BZW2: variants seen among roughly 807,000 people sequenced by gnomAD.
The protein encoded by BZW2 is eIF5-mimic protein 1.
A neutral mutation model predicts 53.2 loss-of-function variants in BZW2; 23 were observed. The ratio of observed to expected loss-of-function variants is 0.43; its 90% confidence interval spans 0.31 to 0.61. The LOEUF is 0.61. BZW2 is among the 20% of genes least tolerant of loss of function. The pLI is 0.09. For missense variants in BZW2, 409 were observed against 503.1 expected (o/e 0.81, Z 1.79); for synonymous variants, 227 against 186.4 (o/e 1.22, Z -1.77).
intron 3 of BZW2, among the ~76,000 whole-genome samples, chr7:16,678,636 C>T (rs756113015): frequency 1.6e-4 from 25 of 152,134 alleles, no homozygotes; most frequent in Non-Finnish European, 3.4e-4. Flanking sequence ...TTTATAATTT[C>T]TATCAAAAGC....
intron 6 of BZW2, among the ~76,000 whole-genome samples, 190 bp from the exon 7 acceptor site, chr7:16,689,607 C>T (rs936912842): frequency 6.6e-6 from 1 of 152,136 alleles, no homozygotes; most frequent in African/African-American, 2.4e-5. Context: ...ATTTATTTTC[C>T]TTTTCCTGAA....
rs1006676778 is a variant in BZW2 at position 16,674,385 on chromosome 7, C to T, written c.59-27C>T. The T allele has an allele frequency of 2.7e-6, 4 of 1,471,020 alleles. No homozygotes were observed. The Admixed American group carries it at 6.0e-5, about 22-fold the overall frequency. 91.1% of individuals were successfully genotyped at this position (1,471,020 alleles called of 1,614,324 possible). A position where few individuals can be genotyped will look rare whatever the true frequency, so the allele number is the denominator to read the frequency against. On this transcript the variant is annotated intron_variant, in intron 2 of 11. Transcript: ENST00000258761. ...TCTCAGTATTTATTTATTTATTTGA[C>T]TGTTATTTTGAATTGTTTTATTTTA...
rs1453357197 is a variant in BZW2 at position 16,695,139 on chromosome 7, T to A, written c.822+135T>A. On this transcript the variant is annotated intron_variant, in intron 8 of 11. Coordinates refer to ENST00000258761, the MANE Select transcript of BZW2 (RefSeq NM_014038.3). Reference sequence around the variant, plus strand: ...AACTTTGTCCACTTATTCCTACCATTTAAATTAACTCAGCTTCAAAGTATT... The same window carrying A: ...AACTTTGTCCACTTATTCCTACCATATAAATTAACTCAGCTTCAAAGTATT... 6 of 775,726 alleles carry A rather than the reference T, an allele frequency of 7.7e-6. No individual in the cohort carries two copies. The East Asian group carries it at 1.8e-4, about 23-fold the overall frequency. 48.1% of individuals were successfully genotyped at this position (775,726 alleles called of 1,614,324 possible).
chr7:16,665,507 TTGTGTGTGTGTG>T lies in BZW2; in HGVS notation c.58+18_58+29del. ...GTTCAAAACTCGGAAAAGGGGTAGG[TTGTGTGTGTGTG>T]TGTGTGTGTGTTTAAAGTTGTAACC... On this transcript the variant is annotated splice_region_variant and intron_variant, in intron 2 of 11. Transcript: ENST00000258761. 1 of 1,548,052 alleles carries T rather than the reference TTGTGTGTGTGTG, an allele frequency of 6.5e-7. No individual in the cohort carries two copies. The highest frequency in any genetic ancestry group is 8.8e-7 in the Non-Finnish European group (1 of 1,129,986).
intron 3 of BZW2, among the ~76,000 whole-genome samples, chr7:16,679,768 G>A (rs1047308298): frequency 1.3e-5 from 2 of 152,174 alleles, no homozygotes; most frequent in African/African-American, 4.8e-5. Flanking sequence ...ACAGTAGCTG[G>A]TATAAGTATA....
intron 7 of BZW2, among the ~76,000 whole-genome samples, chr7:16,693,857 T>G (rs376909626): frequency 6.6e-6 from 1 of 152,190 alleles, no homozygotes; most frequent in Non-Finnish European, 1.5e-5. Flanking sequence ...AATAGGATGA[T>G]AGAACATTGA....
At chr7:16,697,206 C>T in intron 9 of BZW2, 145 bp downstream of exon 9, 2 of 920,794 alleles carry the variant, frequency 2.2e-6, no homozygotes, top group Non-Finnish European at 3.2e-6. Context: ...CCTCCCTCCT[C>T]AGCCTCCCAG....
At chr7:16,689,106 A>T (rs1783220483) in intron 6 of BZW2, among the ~76,000 whole-genome samples, 1 of 152,082 alleles carries the variant, frequency 6.6e-6, no homozygotes, top group Non-Finnish European at 1.5e-5. Flanking sequence ...CATGCCTGTA[A>T]TCCCAGCTAC....
rs77517152 is a variant in BZW2 at position 16,660,400 on chromosome 7, TA to T, written c.-7-5020del. On this transcript the variant is annotated intron_variant, in intron 1 of 11. Coordinates refer to ENST00000258761, the MANE Select transcript of BZW2 (RefSeq NM_014038.3). Reference sequence around the variant, plus strand: ...GGGTGACAGAGCGAGACTCCATATTTAAAAAAAAAAAAAAAAAGGTCTTTTT... The same window carrying T: ...GGGTGACAGAGCGAGACTCCATATTTAAAAAAAAAAAAAAAAGGTCTTTTT... Among the ~76,000 whole-genome samples, 932 of 130,124 alleles carry T rather than the reference TA, an allele frequency of 7.2e-3. 3 individuals are homozygous for T. Among genetic ancestry groups the T allele is most frequent in the East Asian group, 0.018 (82 of 4,540 alleles). The allele number at this position is 130,124 out of a possible 152,430, so 85.4% of individuals were successfully genotyped here. A position where few individuals can be genotyped will look rare whatever the true frequency, so the allele number is the denominator to read the frequency against.
At chr7:16,691,922 G>A (rs1019262951) in intron 7 of BZW2, among the ~76,000 whole-genome samples, 18 of 152,124 alleles carry the variant, frequency 1.2e-4, no homozygotes, top group African/African-American at 2.4e-4. Context: ...GTGTGTTTGT[G>A]TATATATATG....
intron 7 of BZW2, among the ~76,000 whole-genome samples, chr7:16,690,139 A>G (rs773996007): frequency 3.3e-5 from 5 of 152,156 alleles, no homozygotes; most frequent in Non-Finnish European, 7.4e-5. Context: ...CCAAATTTGT[A>G]AGTTTGTTGA....
chr7:16,663,341 G>A (rs1362166192), intron 1 of BZW2, among the ~76,000 whole-genome samples: 2 of 152,022 alleles, frequency 1.3e-5, no homozygotes, highest in Non-Finnish European at 2.9e-5. Context: ...CATGGATTCT[G>A]GCTTAATAAC....
At chr7:16,668,122 T>G (rs3779048) in intron 2 of BZW2, among the ~76,000 whole-genome samples, 33,882 of 152,142 alleles carry the variant, frequency 0.22, 4,523 homozygotes, top group East Asian at 0.38. Flanking sequence ...GGCTATTGCC[T>G]GCCGCTGGGG....
At chr7:16,661,334 C>G (rs761859195) in intron 1 of BZW2, 12 of 152,012 alleles carry the variant, frequency 7.9e-5, no homozygotes, top group African/African-American at 2.9e-4. Context: ...CAGTCTACAT[C>G]GAAGGTGCTA....
intron 1 of BZW2, among the ~76,000 whole-genome samples, chr7:16,649,534 A>G (rs1048813585): frequency 4.6e-5 from 7 of 152,300 alleles, no homozygotes; most frequent in African/African-American, 1.7e-4. Flanking sequence ...AGATTTCCCC[A>G]TTAAAGACCC....
intron 9 of BZW2, 52 bp downstream of exon 9, chr7:16,697,113 T>TG: frequency 1.3e-6 from 2 of 1,569,772 alleles, no homozygotes; most frequent in Non-Finnish European, 1.7e-6. Flanking sequence ...CTGCAGCTTT[T>TG]TTTGTTTGTT....
intron 1 of BZW2, among the ~76,000 whole-genome samples, chr7:16,663,896 A>G (rs926868193): frequency 3.9e-5 from 6 of 152,190 alleles, no homozygotes; most frequent in Non-Finnish European, 2.9e-5. Flanking sequence ...AATATATTGC[A>G]ATTTTTAAAT....
intron 10 of BZW2, among the ~76,000 whole-genome samples, chr7:16,699,734 T>C (rs1467488429): frequency 6.6e-6 from 1 of 152,088 alleles, no homozygotes; most frequent in Non-Finnish European, 1.5e-5. Context: ...GACATCTAGG[T>C]GGCACATGAA....
intron 1 of BZW2, among the ~76,000 whole-genome samples, chr7:16,657,128 G>T (rs906234535): frequency 6.6e-6 from 1 of 151,978 alleles, no homozygotes; most frequent in African/African-American, 2.4e-5. Flanking sequence ...TTTGAGAATT[G>T]GTTTGAACTT....
Sources: gnomAD v4.1 joint callset for allele counts (sites outside exome capture counted in the v4.1 genomes callset) on GRCh38, gnomAD v4.1.1 for gene constraint, MANE v1.5 for transcripts, NCBI Gene and HGNC (gene_info 2026-07-23, HGNC 2026-07-21) for gene names.